Variants in MYCBP2 observed in about 807,000 individuals in gnomAD.
MYCBP2 encodes the protein E3 ubiquitin-protein ligase MYCBP2.
A neutral mutation model predicts 525.3 loss-of-function variants in MYCBP2; 120 were observed. The ratio of observed to expected loss-of-function variants is 0.23; its 90% CI spans 0.20 to 0.27. The LOEUF (loss-of-function observed/expected upper bound fraction) is 0.27. MYCBP2 is among the 10% of genes least tolerant of loss of function. The probability of loss-of-function intolerance (pLI) is 1.00; values close to 1 mark genes in which losing one functional copy is unlikely to be tolerated. For missense variants in MYCBP2, 4,149 were observed against 5,657.1 expected (o/e 0.73, Z 8.55); for synonymous variants, 1,894 against 1,955.8 (o/e 0.97, Z 0.83).
intron 69 of MYCBP2, 141 bp downstream of exon 69, chr13:77,070,490 T>A: frequency 1.9e-6 from 1 of 526,430 alleles, no homozygotes; most frequent in East Asian, 2.9e-5. Context: ...ACAATTCTTT[T>A]TCTTCAAATA....
intron 54 of MYCBP2, among the ~76,000 whole-genome samples, chr13:77,123,028 A>C (rs2051026078): frequency 6.6e-6 from 1 of 152,234 alleles, no homozygotes; most frequent in Non-Finnish European, 1.5e-5. Context: ...TTACCACAGC[A>C]GTAACTTTGC....
chr13:77,067,974 T>C, intron 70 of MYCBP2, 110 bp from the exon 71 acceptor site: 1 of 1,134,392 alleles, frequency 8.8e-7, no homozygotes, highest in Non-Finnish European at 1.2e-6. Context: ...GTTGCCCAGG[T>C]TGGAGTGCAG....
chr13:77,298,627 G>A (rs1464395602), intron 1 of MYCBP2, among the ~76,000 whole-genome samples: 1 of 152,138 alleles, frequency 6.6e-6, no homozygotes, highest in Non-Finnish European at 1.5e-5. Context: ...TTAAAATAAG[G>A]TATCTACATC....
rs1566505703 is a variant in MYCBP2 at position 77,097,345 on chromosome 13, A to T, written c.9784+25T>A. On this transcript the variant is annotated intron_variant, in intron 56 of 82. Coordinates refer to ENST00000544440, the MANE Select transcript of MYCBP2 (RefSeq NM_015057.5). ...GTTCATTAAAGAAAAAAGCACTTATACGTACATTCAACAGTATCATTTACC... is the reference window on the plus strand; with the variant it reads ...GTTCATTAAAGAAAAAAGCACTTATTCGTACATTCAACAGTATCATTTACC... 1.9e-6 allele frequency: 3 copies of T among 1,565,848 alleles called. No homozygotes were observed. The South Asian group carries it at 3.6e-5, about 19-fold the overall frequency.
In MYCBP2 at chr13:77,211,282, T is replaced by G. The variant is rs925768665; in HGVS notation, c.3301A>C (p.Lys1101Gln). The G allele has an allele frequency of 2.0e-6, 3 of 1,514,664 alleles. No homozygotes were observed. Among genetic ancestry groups the G allele is most frequent in the Non-Finnish European group, 2.7e-6 (3 of 1,125,876 alleles). 93.8% of individuals were successfully genotyped at this position (1,514,664 alleles called of 1,614,324 possible). Residue 1101 changes from lysine to glutamine, a missense_variant, in exon 23 of 83, where the codon AAA becomes CAA. Lys to Gln is a moderately conservative substitution (Grantham distance 53). Coordinates refer to ENST00000544440, the MANE Select transcript of MYCBP2 (RefSeq NM_015057.5). The part of the protein sequence containing the change: ...PASISEPPPF[K>Q]CLLINKVDGS... ...TCCACTTTATTTATCAGAAGGCATT[T>G]AAATGGAGGAGGTTCTGATATAGAA... is the stretch of plus-strand genomic sequence containing the variant.
rs76408768 is a variant in MYCBP2, at chr13:77,097,357, C to T, written c.9784+13G>A. 5.1e-4 allele frequency: 813 copies of T among 1,582,886 alleles called. 5 individuals carry two copies. In the African/African-American group the frequency reaches 0.01, roughly 20 times the overall value. On this transcript the variant is annotated intron_variant, in intron 56 of 82. Transcript: ENST00000544440. ...AAAAAGCACTTATACGTACATTCAA[C>T]AGTATCATTTACCTGGGTGAGCTTG...
intron 4 of MYCBP2, 89 bp downstream of exon 4, chr13:77,278,669 T>C: frequency 8.6e-7 from 1 of 1,169,164 alleles, no homozygotes; most frequent in Non-Finnish European, 1.1e-6. Context: ...ACTTTAGAAA[T>C]ATTCTCTTAA....
intron 2 of MYCBP2, among the ~76,000 whole-genome samples, chr13:77,290,996 T>C (rs933150685): frequency 6.6e-6 from 1 of 152,184 alleles, no homozygotes; most frequent in African/African-American, 2.4e-5. Flanking sequence ...AACAAAAAAG[T>C]GTTGCTGAGT....
At chr13:77,047,392 G>A (rs573347277) in intron 82 of MYCBP2, among the ~76,000 whole-genome samples, 5 of 152,268 alleles carry the variant, frequency 3.3e-5, no homozygotes, top group African/African-American at 1.2e-4. Flanking sequence ...ATCCTGGCAC[G>A]AGAAGGTAGT....
chr13:77,207,463 C>A (rs2063481334), intron 23 of MYCBP2, among the ~76,000 whole-genome samples: 1 of 152,084 alleles, frequency 6.6e-6, no homozygotes, highest in Admixed American at 6.5e-5. Context: ...GTGAGGGATG[C>A]AAGCTATTGT....
chr13:77,324,078 C>T (rs752507966), intron 1 of MYCBP2, among the ~76,000 whole-genome samples: 1 of 152,146 alleles, frequency 6.6e-6, no homozygotes, highest in Non-Finnish European at 1.5e-5. Context: ...CTTTGAAATC[C>T]CCTTGAGTTA....
At chr13:77,071,951 G>A (rs1344457441) in intron 68 of MYCBP2, among the ~76,000 whole-genome samples, 1 of 151,968 alleles carries the variant, frequency 6.6e-6, no homozygotes, top group Non-Finnish European at 1.5e-5. Flanking sequence ...CAAATATTTG[G>A]GAATTAAACA....
chr13:77,061,142 G>A, intron 76 of MYCBP2, 27 bp downstream of exon 76: 4 of 1,584,806 alleles, frequency 2.5e-6, no homozygotes, highest in African/African-American at 2.7e-5. Context: ...GGTTTTAAAG[G>A]CATGGCTCAA....
At chr13:77,293,925 G>A (rs995633651) in intron 2 of MYCBP2, among the ~76,000 whole-genome samples, 14 of 151,780 alleles carry the variant, frequency 9.2e-5, no homozygotes, top group Admixed American at 4.6e-4. Flanking sequence ...AGAACTGTAA[G>A]ATAACGAGTG....
At position 77,096,360 on chromosome 13, in the gene MYCBP2, G is replaced by A; in HGVS notation, c.9906C>T (p.Arg3302=). ...TTTCGCGGAGGTATTTTTCTCTACA[G>A]CGATCACATACCAGATACCAAGTGC... is the stretch of plus-strand genomic sequence containing the variant. ...GGSTWYLVCD[R]CREKYLREKQ... The change falls in exon 57 of 83, where the codon CGC becomes CGT. Residue 3302 remains arginine, a synonymous_variant. Coordinates refer to ENST00000544440, the MANE Select transcript of MYCBP2 (RefSeq NM_015057.5). 1 of 1,613,290 alleles carries A rather than the reference G, an allele frequency of 6.2e-7. No individual in the cohort carries two copies. Among genetic ancestry groups the A allele is most frequent in the Non-Finnish European group, 8.5e-7 (1 of 1,179,582 alleles).
At chr13:77,205,151 C>T in intron 26 of MYCBP2, 105 bp downstream of exon 26, 2 of 1,053,980 alleles carry the variant, frequency 1.9e-6, no homozygotes, top group Non-Finnish European at 2.5e-6. Context: ...ACAAAATAAA[C>T]CCAGTTAAAA....
At position 77,061,283 on chromosome 13, in the gene MYCBP2, C is replaced by T; in HGVS notation, c.12922G>A (p.Glu4308Lys). The part of the protein sequence containing the change: ...HQRQVFKEEE[E>K]AIKVDLHEGC... Reference sequence around the variant, plus strand: ...TCATGAAGGTCAACCTTTATAGCTTCTTCTTCTTCTTTGAAGACCTATTAT... The same window carrying T: ...TCATGAAGGTCAACCTTTATAGCTTTTTCTTCTTCTTTGAAGACCTATTAT... The change falls in exon 76 of 83, where the codon GAA (glutamate) becomes AAA (lysine). Residue 4308 changes from glutamate (E) to lysine (K), a missense_variant. This residue lies in a region of MYCBP2 where 220 missense variants were observed against 396.0 expected (regional missense o/e 0.56). Coordinates refer to ENST00000544440, the MANE Select transcript of MYCBP2 (RefSeq NM_015057.5). The T allele has an allele frequency of 6.2e-7, 1 of 1,607,386 alleles. No homozygotes were observed. Among genetic ancestry groups the T allele is most frequent in the Non-Finnish European group, 8.5e-7 (1 of 1,177,492 alleles).
At chr13:77,129,361 A>C (rs972546960) in intron 52 of MYCBP2, 1 of 385,658 alleles carries the variant, frequency 2.6e-6, no homozygotes, top group African/African-American at 2.1e-5. Flanking sequence ...TATTTTACTA[A>C]AGAGAAACTG....
chr13:77,074,554 G>A (rs2041963522), intron 68 of MYCBP2, among the ~76,000 whole-genome samples: 1 of 152,174 alleles, frequency 6.6e-6, no homozygotes, highest in Admixed American at 6.5e-5. Context: ...AGATCTGTAT[G>A]TGAGTGTTCA....
Sources: allele counts gnomAD v4.1 joint callset (sites outside exome capture counted in the v4.1 genomes callset), GRCh38; gene constraint gnomAD v4.1.1; regional missense constraint gnomAD v4.1.1; transcripts MANE v1.5; gene names NCBI Gene and HGNC (gene_info 2026-07-23, HGNC 2026-07-21).